Variants in CCBE1 observed in about 807,000 individuals in gnomAD.
CCBE1 encodes collagen and calcium-binding EGF domain-containing protein 1.
In CCBE1, 37 loss-of-function variants were observed where a neutral mutation model predicts 50.0. That is an observed-to-expected ratio of 0.74 (90% CI 0.57 to 0.97). CCBE1 has a LOEUF of 0.97. CCBE1 is among the 50% of genes least tolerant of loss of function. CCBE1 has a pLI of 0.00. For missense variants in CCBE1, 538 were observed against 523.8 expected (o/e 1.03, Z -0.26); for synonymous variants, 234 against 203.7 (o/e 1.15, Z -1.27).
Position 59,618,184 on chromosome 18 carries a change from C to G in CCBE1, c.212+78445G>C, listed in dbSNP as rs144766787. On this transcript the variant is annotated intron_variant, in intron 2 of 10. Transcript: ENST00000439986. ...AAAACTTGAGCTGAGAGCGGTGGCT[C>G]ATGCCTGCAACCCCAGCTACTTGGG... 3.9e-5 allele frequency among the ~76,000 whole-genome samples: 6 copies of G among 152,162 alleles called. No individual in the cohort carries two copies. In the East Asian group the frequency reaches 1.2e-3, roughly 29 times the overall value.
chr18:59,681,605 AGCCAGCCAGTG>A (rs934248599), intron 2 of CCBE1, among the ~76,000 whole-genome samples: 26 of 152,344 alleles, frequency 1.7e-4, no homozygotes, highest in Admixed American at 1.7e-3. Flanking sequence ...GTGAAATGCG[AGCCAGCCAGTG>A]GCCAGCCAGG....
chr18:59,690,087 A>G (rs1457545805), intron 2 of CCBE1, among the ~76,000 whole-genome samples: 1 of 152,214 alleles, frequency 6.6e-6, no homozygotes, highest in African/African-American at 2.4e-5. Context: ...AAGGGAATTA[A>G]AATTCCTTGA....
At chr18:59,490,869 G>T (rs1352981068) in intron 2 of CCBE1, among the ~76,000 whole-genome samples, 2 of 152,150 alleles carry the variant, frequency 1.3e-5, no homozygotes, top group African/African-American at 4.8e-5. Context: ...TTTCTCCTTT[G>T]TAAGACATGT....
intron 3 of CCBE1, among the ~76,000 whole-genome samples, chr18:59,474,328 T>C (rs1216262429): frequency 1.3e-5 from 2 of 152,254 alleles, no homozygotes; most frequent in East Asian, 1.9e-4. Flanking sequence ...TCACGGTGTA[T>C]TTAAAACAGA....
intron 2 of CCBE1, among the ~76,000 whole-genome samples, chr18:59,544,378 C>A (rs1915602957): frequency 6.6e-6 from 1 of 152,148 alleles, no homozygotes; most frequent in Non-Finnish European, 1.5e-5. Flanking sequence ...AAAATTAACC[C>A]TCACCATTAT....
At chr18:59,645,831 A>T (rs530925810) in intron 2 of CCBE1, among the ~76,000 whole-genome samples, 1 of 152,296 alleles carries the variant, frequency 6.6e-6, no homozygotes, top group East Asian at 1.9e-4. Context: ...GGAGATCGAG[A>T]CCATCCTGGC....
intron 6 of CCBE1, among the ~76,000 whole-genome samples, chr18:59,450,975 G>A (rs1418688590): frequency 1.3e-5 from 2 of 152,178 alleles, no homozygotes; most frequent in Non-Finnish European, 2.9e-5. Context: ...CAGCCATCGG[G>A]TTGCAAATGT....
chr18:59,655,226 C>G (rs888830078), intron 2 of CCBE1, among the ~76,000 whole-genome samples: 1 of 152,134 alleles, frequency 6.6e-6, no homozygotes, highest in Admixed American at 6.5e-5. Flanking sequence ...GGTTCTAAAA[C>G]TGTTTCACGT....
At chr18:59,484,303 G>GA (rs1912712123) in intron 2 of CCBE1, among the ~76,000 whole-genome samples, 1 of 152,154 alleles carries the variant, frequency 6.6e-6, no homozygotes, top group Non-Finnish European at 1.5e-5. Flanking sequence ...ATACAAGGGG[G>GA]AAAAACCCAC....
chr18:59,680,571 G>A (rs527513618), intron 2 of CCBE1, among the ~76,000 whole-genome samples: 220 of 151,988 alleles, frequency 1.4e-3, no homozygotes, highest in Non-Finnish European at 2.8e-3. Flanking sequence ...GGTGGCGGGC[G>A]CCTGTAGTCC....
intron 2 of CCBE1, among the ~76,000 whole-genome samples, chr18:59,527,470 T>C (rs1914873176): frequency 1.3e-5 from 2 of 152,150 alleles, no homozygotes; most frequent in Non-Finnish European, 1.5e-5. Flanking sequence ...CTGTGTCTTT[T>C]TATTGGGGCA....
chr18:59,458,166 A>ATCCT (rs58611604), intron 5 of CCBE1, among the ~76,000 whole-genome samples: 3 of 98,866 alleles, frequency 3.0e-5, no homozygotes, highest in Non-Finnish European at 6.7e-5. Context: ...CCATCCAACC[A>ATCCT]TCCATCCATC....
chr18:59,669,713 A>C (rs990220316), intron 2 of CCBE1, among the ~76,000 whole-genome samples: 2 of 152,226 alleles, frequency 1.3e-5, no homozygotes, highest in African/African-American at 2.4e-5. Context: ...AGGTTCCCTC[A>C]CATCTCTCCC....
chr18:59,575,687 G>A (rs2052984744), intron 2 of CCBE1, among the ~76,000 whole-genome samples: 1 of 152,164 alleles, frequency 6.6e-6, no homozygotes, highest in Admixed American at 6.5e-5. Flanking sequence ...TCTTTCCTCA[G>A]TCTTTCTTAA....
chr18:59,495,464 C>G (rs1374348984), intron 2 of CCBE1, among the ~76,000 whole-genome samples: 1 of 148,728 alleles, frequency 6.7e-6, no homozygotes, highest in Non-Finnish European at 1.5e-5. Flanking sequence ...CAGGTTCAGA[C>G]AGCCAGTTTG....
intron 3 of CCBE1, among the ~76,000 whole-genome samples, chr18:59,479,735 G>A (rs144155442): frequency 5.6e-4 from 85 of 152,306 alleles, no homozygotes; most frequent in African/African-American, 2.0e-3. Context: ...CTGGGTCCCC[G>A]CCTTACTTTG....
At chr18:59,682,224 T>TG (rs1165063185) in intron 2 of CCBE1, among the ~76,000 whole-genome samples, 6 of 151,978 alleles carry the variant, frequency 3.9e-5, no homozygotes. Context: ...TAGCTGAGAG[T>TG]GGTGGCATGC....
At chr18:59,458,246 C>T (rs1189007112) in intron 5 of CCBE1, among the ~76,000 whole-genome samples, 1 of 152,186 alleles carries the variant, frequency 6.6e-6, no homozygotes, top group Non-Finnish European at 1.5e-5. Context: ...TCCATCCAAC[C>T]TTTCCTTCCT....
chr18:59,440,280 G>A (rs1244378351), intron 7 of CCBE1, among the ~76,000 whole-genome samples: 2 of 152,180 alleles, frequency 1.3e-5, no homozygotes, highest in African/African-American at 2.4e-5. Flanking sequence ...CAAGTTGCCT[G>A]AGCCATCTGA....
Sources: gnomAD v4.1 joint callset for allele counts (sites outside exome capture counted in the v4.1 genomes callset) on GRCh38, gnomAD v4.1.1 for gene constraint, MANE v1.5 for transcripts, NCBI Gene and HGNC (gene_info 2026-07-23, HGNC 2026-07-21) for gene names.